The following DGKG variants were observed in gnomAD, a reference collection of about 807,000 sequenced individuals.
DGKG encodes DAG kinase gamma.
Under a neutral mutation model 105.3 loss-of-function variants are expected in DGKG, and 78 were observed. That is an observed-to-expected ratio of 0.74 (90% confidence interval 0.62 to 0.89). The LOEUF (loss-of-function observed/expected upper bound fraction) is 0.89, where lower values mean the gene tolerates loss of function less well. Among genes scored for constraint, DGKG ranks in the 40% least tolerant of loss-of-function variants. The probability of loss-of-function intolerance (pLI) is 0.00; values close to 1 mark genes in which losing one functional copy is unlikely to be tolerated. For synonymous variants in DGKG, 346 were observed against 367.1 expected (o/e 0.94, Z 0.66); for missense variants, 958 against 1,020.1 (o/e 0.94, Z 0.83).
chr3:186,218,100 G>A (rs932603748), intron 20 of DGKG, among the ~76,000 whole-genome samples: 1 of 152,176 alleles, frequency 6.6e-6, no homozygotes, highest in Admixed American at 6.5e-5. Context: ...TGGAGACTGT[G>A]CTGCACCAGC....
intron 1 of DGKG, among the ~76,000 whole-genome samples, chr3:186,338,161 C>T (rs1311910532): frequency 7.0e-6 from 1 of 143,108 alleles, no homozygotes; most frequent in Non-Finnish European, 1.5e-5. Context: ...CAGAGTGAGA[C>T]CCTATCTCAA....
chr3:186,307,011 C>A (rs1348131067), intron 2 of DGKG, 34 bp from the exon 3 acceptor site: 1 of 1,443,376 alleles, frequency 6.9e-7, no homozygotes, highest in African/African-American at 1.4e-5. Context: ...GAAACACTGG[C>A]AAATAGCTAA....
Position 186,147,573 on chromosome 3 carries a change from G to C in DGKG, c.*2517C>G. On this transcript the variant is annotated 3_prime_UTR_variant, in exon 25 of 25. Coordinates refer to ENST00000265022, the MANE Select transcript of DGKG (RefSeq NM_001346.3). ...TTCCACTGAAGTTGTTATACTCCAT[G>C]CCTCTAAGAAGGACTTGGGATATGT... is the stretch of plus-strand genomic sequence containing the variant. 1.0e-6 allele frequency: 1 copy of C among 985,434 alleles called. No individual in the cohort carries two copies. The highest frequency in any genetic ancestry group is 1.2e-6 in the Non-Finnish European group (1 of 829,940). The allele number at this position is 985,434 out of a possible 1,614,324, so 61.0% of individuals were successfully genotyped here.
intron 2 of DGKG, among the ~76,000 whole-genome samples, chr3:186,316,537 A>G (rs1184188804): frequency 6.6e-6 from 1 of 152,246 alleles, no homozygotes; most frequent in African/African-American, 2.4e-5. Flanking sequence ...ATATCACATT[A>G]GCTCTTTTGA....
At chr3:186,190,680 A>G (rs1717863987) in intron 21 of DGKG, among the ~76,000 whole-genome samples, 1 of 151,710 alleles carries the variant, frequency 6.6e-6, no homozygotes, top group Non-Finnish European at 1.5e-5. Context: ...AAAAAATAAC[A>G]TAGACATAAA....
At chr3:186,213,015 A>T (rs1246096358) in intron 20 of DGKG, among the ~76,000 whole-genome samples, 1 of 152,146 alleles carries the variant, frequency 6.6e-6, no homozygotes, top group Non-Finnish European at 1.5e-5. Flanking sequence ...AGAATAATAG[A>T]CACAACTCTT....
At chr3:186,248,540 G>C (rs537753117) in intron 19 of DGKG, among the ~76,000 whole-genome samples, 10 of 152,288 alleles carry the variant, frequency 6.6e-5, no homozygotes, top group Middle Eastern at 6.8e-3. Context: ...ATGATCTCAG[G>C]GTCTTGTTAA....
chr3:186,221,057 G>A (rs2108529355), intron 20 of DGKG, among the ~76,000 whole-genome samples: 1 of 152,304 alleles, frequency 6.6e-6, no homozygotes, highest in Non-Finnish European at 1.5e-5. Flanking sequence ...CAACAAGAAG[G>A]CTTCCCTGAG....
At chr3:186,199,024 TACA>T (rs1310038338) in intron 21 of DGKG, among the ~76,000 whole-genome samples, 1 of 152,174 alleles carries the variant, frequency 6.6e-6, no homozygotes, top group Non-Finnish European at 1.5e-5. Flanking sequence ...CTTGGCTCAC[TACA>T]ACCTCTGCCT....
At chr3:186,229,540 A>C (rs1265493865) in intron 20 of DGKG, among the ~76,000 whole-genome samples, 1 of 152,126 alleles carries the variant, frequency 6.6e-6, no homozygotes, top group African/African-American at 2.4e-5. Context: ...CCACTGCGCC[A>C]GGCCAGACAT....
At chr3:186,208,723 T>C (rs1458111899) in intron 21 of DGKG, among the ~76,000 whole-genome samples, 1 of 152,254 alleles carries the variant, frequency 6.6e-6, no homozygotes, top group East Asian at 1.9e-4. Context: ...CTGAGTCTTC[T>C]GTTCTTTGCA....
chr3:186,211,717 G>A, intron 21 of DGKG, 78 bp downstream of exon 21: 1 of 1,087,278 alleles, frequency 9.2e-7, no homozygotes, highest in South Asian at 1.3e-5. Flanking sequence ...GGTCCCAAGA[G>A]GATACATCCT....
intron 22 of DGKG, among the ~76,000 whole-genome samples, chr3:186,167,799 ACTCATTC>A (rs1195283671): frequency 6.7e-6 from 1 of 149,292 alleles, no homozygotes; most frequent in Non-Finnish European, 1.5e-5. Flanking sequence ...TCACTCACTC[ACTCATTC>A]AACAGTTACT....
At chr3:186,353,583 AT>A (rs1726743907) in intron 1 of DGKG, among the ~76,000 whole-genome samples, 1 of 143,288 alleles carries the variant, frequency 7.0e-6, no homozygotes, top group Admixed American at 7.0e-5. Flanking sequence ...ATATATATAT[AT>A]ATATATACAC....
chr3:186,349,443 G>C (rs955646754), intron 1 of DGKG, among the ~76,000 whole-genome samples: 2 of 152,150 alleles, frequency 1.3e-5, no homozygotes, highest in Non-Finnish European at 2.9e-5. Flanking sequence ...CACAATCTCA[G>C]ATTGCTCTCT....
intron 24 of DGKG, chr3:186,160,660 C>G: frequency 1.0e-6 from 1 of 985,426 alleles, no homozygotes; most frequent in Non-Finnish European, 1.2e-6. Context: ...TATCTGAATA[C>G]TCCACTAGAG....
chr3:186,260,442 G>C lies in DGKG; in HGVS notation c.1421C>G (p.Pro474Arg). ...VFNLDNGGPT[P>R]GLNFFRDTPD... The stretch of plus-strand genomic sequence containing the variant: ...GTAAAGATTGTGATCTCCATACCCT[G>C]GAGTAGGCCCCCCATTGTCCAGGTT... The change falls in exon 16 of 25, where the codon CCA (proline) becomes CGA (arginine). Residue 474 changes from proline to arginine, a missense_variant. Pro to Arg is a moderately radical substitution (Grantham distance 103). This residue lies in a region of DGKG where 643 missense variants were observed against 619.5 expected (regional missense o/e 1.04). Transcript: ENST00000265022. 1 of 1,609,264 alleles carries C rather than the reference G, an allele frequency of 6.2e-7. No homozygotes were observed. Among genetic ancestry groups the C allele is most frequent in the Non-Finnish European group, 8.5e-7 (1 of 1,175,558 alleles).
chr3:186,322,055 A>G (rs1407682989), intron 1 of DGKG, among the ~76,000 whole-genome samples: 1 of 152,194 alleles, frequency 6.6e-6, no homozygotes, highest in East Asian at 1.9e-4. Flanking sequence ...GCCATGGCAG[A>G]AAACTTCCAC....
rs191630290 is a variant in DGKG at position 186,214,075 on chromosome 3, G to T, written c.1827-2190C>A. 7.9e-5 allele frequency among the ~76,000 whole-genome samples: 12 copies of T among 152,252 alleles called. No individual in the cohort carries two copies. In the East Asian group the frequency reaches 2.1e-3, roughly 27 times the overall value. The stretch of plus-strand genomic sequence containing the variant: ...TGAATCATGACTTTTGAAAGTTATT[G>T]CCAGGAGATTTAGAGTTTCAATAAA... On this transcript the variant is annotated intron_variant, in intron 20 of 24. Coordinates refer to ENST00000265022, the MANE Select transcript of DGKG (RefSeq NM_001346.3).
Sources: allele counts gnomAD v4.1 joint callset (sites outside exome capture counted in the v4.1 genomes callset), GRCh38; gene constraint gnomAD v4.1.1; regional missense constraint gnomAD v4.1.1; transcripts MANE v1.5; gene names NCBI Gene and HGNC (gene_info 2026-07-23, HGNC 2026-07-21).